Variants in TNMD observed in about 807,000 individuals in gnomAD.
TNMD encodes the protein BRICHOS domain containing 4.
TNMD carries 15 observed loss-of-function variants against 26.9 expected under a neutral mutation model. The ratio of observed to expected loss-of-function variants is 0.56; its 90% CI spans 0.37 to 0.86. The LOEUF is 0.86. Ranked by LOEUF, TNMD falls within the 40% of genes least tolerant of loss-of-function variation. The pLI, the probability that TNMD is intolerant of heterozygous loss-of-function variation, is 0.00. For synonymous variants in TNMD, 73 were observed against 77.0 expected (o/e 0.95, Z 0.27); for missense variants, 222 against 242.6 (o/e 0.92, Z 0.56).
intron 4 of TNMD, 92 bp from the exon 5 acceptor site, chrX:100,597,412 C>T (rs112898376): frequency 9.6e-7 from 1 of 1,046,321 alleles, no homozygotes; most frequent in Non-Finnish European, 1.3e-6. Context: ...TTGTTACACT[C>T]AAAATATATT....
At chrX:100,587,937 T>C (rs1306550345) in intron 2 of TNMD, among the ~76,000 whole-genome samples, 1 of 111,628 alleles carries the variant, frequency 9.0e-6, no homozygotes, top group Non-Finnish European at 1.9e-5. Context: ...ATGAGACTTG[T>C]TGGGACTCTG....
intron 2 of TNMD, chrX:100,593,290 A>G: frequency 3.8e-5 from 28 of 730,717 alleles, no homozygotes; most frequent in Non-Finnish European, 4.5e-5. Context: ...GGCTTGGGAA[A>G]CAGAACCCAG....
chrX:100,585,355 C>A lies in TNMD; in HGVS notation c.173C>A (p.Pro58His), dbSNP rs1439661956. ...AGCAAGCACTTCTGGCCGGAGGTAC[C>A]CAAAAAAGTAAGTAAATACACATCA... ...WGSKHFWPEV[P>H]KKAYDMEHTF... The change falls in exon 2 of 7, where the codon CCC becomes CAC. Residue 58 changes from proline to histidine, a missense_variant. By Grantham distance (77) the Pro-to-His change is moderately conservative. Coordinates refer to ENST00000373031, the MANE Select transcript of TNMD (RefSeq NM_022144.3). 8.3e-7 allele frequency: 1 copy of A among 1,205,219 alleles called. No individual in the cohort carries two copies. Among genetic ancestry groups the A allele is most frequent in the Middle Eastern group, 2.3e-4 (1 of 4,348 alleles).
chrX:100,594,059 A>C, intron 3 of TNMD, 24 bp downstream of exon 3: 1 of 1,192,449 alleles, frequency 8.4e-7, no homozygotes, highest in African/African-American at 1.7e-5. Flanking sequence ...TTTCCTCCTA[A>C]GGCTTTCCAC....
rs749419680 is a variant in TNMD at position 100,594,244 on chromosome X, T to C, written c.322-17T>C. The C allele has an allele frequency of 2.7e-6, 3 of 1,128,705 alleles. No homozygotes were observed. The African/African-American group carries it at 5.5e-5, about 21-fold the overall frequency. 93.0% of individuals were successfully genotyped at this position (1,128,705 alleles called of 1,213,427 possible). A position where few individuals can be genotyped will look rare whatever the true frequency, so the allele number is the denominator to read the frequency against. On this transcript the variant is annotated splice_polypyrimidine_tract_variant and intron_variant, in intron 3 of 6. Coordinates refer to ENST00000373031, the MANE Select transcript of TNMD (RefSeq NM_022144.3). Reference sequence around the variant, plus strand: ...GCTCTTTTGGGAAGCTTTATTGTTGTTTTGTCTGTTTTATAGGGATACACT... The same window carrying C: ...GCTCTTTTGGGAAGCTTTATTGTTGCTTTGTCTGTTTTATAGGGATACACT...
In TNMD at chrX:100,585,008, G is replaced by A; in HGVS notation, c.-11G>A. On this transcript the variant is annotated 5_prime_UTR_variant, in exon 1 of 7. Transcript: ENST00000373031. ...TCAAAGCAAGGAAAGAGTACTGTGT[G>A]CTGAGAGACCATGGCAAAGAATCCT... 3 of 1,208,510 alleles carry A rather than the reference G, an allele frequency of 2.5e-6. No homozygotes were observed. Among genetic ancestry groups the A allele is most frequent in the Non-Finnish European group, 3.4e-6 (3 of 893,101 alleles).
rs1287847333 is a variant in TNMD at position 100,590,204 on chromosome X, C to A, written c.181-3691C>A. Among the ~76,000 whole-genome samples the A allele has an allele frequency of 3.6e-5, 4 of 111,708 alleles. No individual in the cohort carries two copies. In the Admixed American group the frequency reaches 3.8e-4, roughly 11 times the overall value. On this transcript the variant is annotated intron_variant, in intron 2 of 6. Coordinates refer to ENST00000373031, the MANE Select transcript of TNMD (RefSeq NM_022144.3). ...TGCATTCTCTTCCCTTCCTTCCAGC[C>A]TAACACCTGCTAGCCAGCTATTCTG...
At chrX:100,591,497 G>A (rs983556755) in intron 2 of TNMD, among the ~76,000 whole-genome samples, 2 of 111,919 alleles carry the variant, frequency 1.8e-5, no homozygotes, top group African/African-American at 6.5e-5. Context: ...CAAGCAATGT[G>A]CTCCACAGGG....
intron 2 of TNMD, 86 bp downstream of exon 2, chrX:100,585,448 G>T: frequency 1.0e-6 from 1 of 954,877 alleles, no homozygotes; most frequent in Non-Finnish European, 1.4e-6. Flanking sequence ...TTCTGAAAAT[G>T]AAAATCATTA....
In TNMD at chrX:100,599,165, C is replaced by G; in HGVS notation, c.727C>G (p.Leu243Val). Residue 243 changes from leucine (L) to valine (V), a missense_variant, in exon 6 of 7, where the codon CTT becomes GTT. Transcript: ENST00000373031. Reference sequence around the variant, plus strand: ...CGCCAGACAAGCAAGTGAGGAAGAACTTCCAATAAATGACTATGTGAGTTA... The same window carrying G: ...CGCCAGACAAGCAAGTGAGGAAGAAGTTCCAATAAATGACTATGTGAGTTA... Reference protein sequence around the residue: ...RHARQASEEELPINDYTENGI... With the variant: ...RHARQASEEEVPINDYTENGI... The G allele has an allele frequency of 8.4e-7, 1 of 1,194,752 alleles. No individual in the cohort carries two copies. Among genetic ancestry groups the G allele is most frequent in the Non-Finnish European group, 1.1e-6 (1 of 887,537 alleles).
intron 2 of TNMD, among the ~76,000 whole-genome samples, chrX:100,592,363 C>G (rs1469006831): frequency 4.5e-5 from 5 of 112,319 alleles, no homozygotes; most frequent in Non-Finnish European, 9.4e-5. Context: ...TGCTACCTAT[C>G]ACAAACCAGG....
intron 4 of TNMD, among the ~76,000 whole-genome samples, chrX:100,596,981 T>A (rs1216108798): frequency 8.9e-6 from 1 of 112,164 alleles, no homozygotes. Flanking sequence ...GTACTATAAC[T>A]AGCTACCATC....
chrX:100,594,978 T>G (rs1569343410), intron 4 of TNMD, among the ~76,000 whole-genome samples: 1 of 112,041 alleles, frequency 8.9e-6, no homozygotes, highest in Non-Finnish European at 1.9e-5. Flanking sequence ...TAAGGCAACC[T>G]AGGGTGCTGG....
rs2147610969 is a variant in TNMD, at chrX:100,599,046, GAGA to G, written c.612_614del (p.Glu204del). 8.3e-7 allele frequency: 1 copy of G among 1,205,615 alleles called. No homozygotes were observed. The highest frequency in any genetic ancestry group is 1.1e-6 in the Non-Finnish European group (1 of 892,311). ...GAGTTACAAGACTTTGAGGAGGAGG[GAGA>G]AGATCTTCACTTTCCTGCCAACGAA... On this transcript the variant is annotated inframe_deletion, in exon 6 of 7. Transcript: ENST00000373031.
chrX:100,593,261 C>A, intron 2 of TNMD: 1 of 673,795 alleles, frequency 1.5e-6, no homozygotes, highest in Non-Finnish European at 1.8e-6. Context: ...ATCCGTAGAA[C>A]TTGAAAACAA....
At chrX:100,587,866 G>A (rs2082926256) in intron 2 of TNMD, among the ~76,000 whole-genome samples, 2 of 111,677 alleles carry the variant, frequency 1.8e-5, no homozygotes, top group African/African-American at 6.5e-5. Flanking sequence ...TAATGGTATG[G>A]CCTAGCAAGA....
chrX:100,588,939 G>T (rs182484192), intron 2 of TNMD, among the ~76,000 whole-genome samples: 147 of 111,266 alleles, frequency 1.3e-3, no homozygotes, highest in Non-Finnish European at 2.6e-3. Context: ...TATTACCAGA[G>T]CAATGAGGAG....
chrX:100,589,343 G>A (rs1335595682), intron 2 of TNMD, among the ~76,000 whole-genome samples: 2 of 94,959 alleles, frequency 2.1e-5, no homozygotes, highest in African/African-American at 8.3e-5. Flanking sequence ...TTTACCAGAT[G>A]GTGCCATGTT....
Position 100,599,736 on chromosome X carries a change from A to G in TNMD, c.*19A>G, listed in dbSNP as rs1169245545. On this transcript the variant is annotated 3_prime_UTR_variant, in exon 7 of 7. Transcript: ENST00000373031. ...GGTCTAATAGGAGGTTTGAGCTCAA[A>G]TGCTTAAACTGCTGGCAACATATAA... 1 of 1,182,785 alleles carries G rather than the reference A, an allele frequency of 8.5e-7. No homozygotes were observed. Among genetic ancestry groups the G allele is most frequent in the Non-Finnish European group, 1.1e-6 (1 of 870,858 alleles).
Sources: gnomAD v4.1 joint callset for allele counts (sites outside exome capture counted in the v4.1 genomes callset) on GRCh38, gnomAD v4.1.1 for gene constraint, MANE v1.5 for transcripts, NCBI Gene and HGNC (gene_info 2026-07-23, HGNC 2026-07-21) for gene names.